ZNF722: variants seen among roughly 807,000 people sequenced by gnomAD.
The protein encoded by ZNF722 is zinc finger protein 479 pseudogene.
At chr7:63,999,646 G>A in the ZNF722 span, among the ~76,000 whole-genome samples, 1 of 152,146 alleles carries the variant, frequency 6.6e-6, no homozygotes, top group African/African-American at 2.4e-5. Context: ...CCAGTCTGTG[G>A]TTGACTAGGC....
the ZNF722 span, chr7:63,998,897 C>T: frequency 5.8e-5 from 87 of 1,493,160 alleles, no homozygotes; most frequent in Non-Finnish European, 7.7e-5. Flanking sequence ...CTTCAGGGCT[C>T]TGCATTCTCT....
chr7:64,016,168 T>C, the ZNF722 span: 1 of 339,838 alleles, frequency 2.9e-6, no homozygotes, highest in South Asian at 4.1e-5. Context: ...AGATGGTATC[T>C]CCCTTTGTCA....
At chr7:64,017,293 C>A in the ZNF722 span, among the ~76,000 whole-genome samples, 4 of 152,014 alleles carry the variant, frequency 2.6e-5, no homozygotes, top group Non-Finnish European at 5.9e-5. Context: ...CTGAGGCAGG[C>A]GAATTGCTTG....
At chr7:64,004,570 A>G in the ZNF722 span, among the ~76,000 whole-genome samples, 2 of 151,276 alleles carry the variant, frequency 1.3e-5, no homozygotes, top group South Asian at 4.1e-4. Flanking sequence ...TAAAGTTGAT[A>G]ACAATTTTAT....
At chr7:63,999,976 G>A in the ZNF722 span, among the ~76,000 whole-genome samples, 2 of 151,960 alleles carry the variant, frequency 1.3e-5, no homozygotes, top group African/African-American at 2.4e-5. Context: ...CATTACAGGC[G>A]TGAGCCACCT....
At chr7:64,006,490 C>G in the ZNF722 span, among the ~76,000 whole-genome samples, 1 of 152,148 alleles carries the variant, frequency 6.6e-6, no homozygotes, top group Non-Finnish European at 1.5e-5. Flanking sequence ...CTGCCCCATG[C>G]TGTTAAATTC....
chr7:64,017,661 C>T, the ZNF722 span, among the ~76,000 whole-genome samples: 6 of 152,328 alleles, frequency 3.9e-5, no homozygotes, highest in East Asian at 9.6e-4. Flanking sequence ...TCAAAAACTA[C>T]AGCTTAGAAG....
the ZNF722 span, chr7:64,005,655 A>G: frequency 2.2e-6 from 3 of 1,369,228 alleles, no homozygotes; most frequent in Middle Eastern, 1.8e-4. Flanking sequence ...TTCTCTCTGG[A>G]GGAGTGGCAA....
At chr7:64,016,622 A>G in the ZNF722 span, among the ~76,000 whole-genome samples, 1 of 152,164 alleles carries the variant, frequency 6.6e-6, no homozygotes, top group Admixed American at 6.6e-5. Context: ...GAATATGGCA[A>G]TGTCTTTAAA....
the ZNF722 span, chr7:64,015,982 A>G: frequency 1.9e-6 from 2 of 1,037,368 alleles, no homozygotes; most frequent in Non-Finnish European, 2.8e-6. Context: ...GGAAAAAAAC[A>G]CTACAAGTGT....
the ZNF722 span, among the ~76,000 whole-genome samples, chr7:64,009,823 G>A: frequency 6.6e-6 from 1 of 152,166 alleles, no homozygotes; most frequent in South Asian, 2.1e-4. Flanking sequence ...AATGGTATCA[G>A]CTCCTCTTTA....
chr7:64,002,076 A>T, the ZNF722 span, among the ~76,000 whole-genome samples: 1 of 151,670 alleles, frequency 6.6e-6, no homozygotes, highest in Non-Finnish European at 1.5e-5. Context: ...AGAGATGGGG[A>T]TTCACCACGT....
chr7:63,999,459 G>T, the ZNF722 span, among the ~76,000 whole-genome samples: 1 of 152,150 alleles, frequency 6.6e-6, no homozygotes, highest in Non-Finnish European at 1.5e-5. Flanking sequence ...AAGAGTCATA[G>T]AGCGCCCAGC....
chr7:64,001,897 T>TA, the ZNF722 span, among the ~76,000 whole-genome samples: 7 of 152,096 alleles, frequency 4.6e-5, no homozygotes, highest in Non-Finnish European at 4.4e-5. Context: ...TATATATATA[T>TA]TTTTAAGATG....
the ZNF722 span, among the ~76,000 whole-genome samples, chr7:64,007,230 G>GTATATATATATA: frequency 1.9e-3 from 257 of 138,480 alleles, 5 homozygotes; most frequent in African/African-American, 6.8e-3. Context: ...GTTTGTGTGT[G>GTATATATATATA]TATATATATA....
chr7:64,011,123 T>C, the ZNF722 span, among the ~76,000 whole-genome samples: 1 of 152,202 alleles, frequency 6.6e-6, no homozygotes, highest in Admixed American at 6.5e-5. Context: ...TCCATCCTTT[T>C]ATTTTGAACC....
the ZNF722 span, among the ~76,000 whole-genome samples, chr7:64,001,149 TATC>T: frequency 6.6e-6 from 1 of 152,178 alleles, no homozygotes; most frequent in Admixed American, 6.5e-5. Context: ...GGTAAAATCA[TATC>T]ATGAAGTTTT....
At chr7:64,004,754 A>G in the ZNF722 span, among the ~76,000 whole-genome samples, 1 of 152,104 alleles carries the variant, frequency 6.6e-6, no homozygotes, top group Non-Finnish European at 1.5e-5. Context: ...TCTTTTAAAA[A>G]TGAAGGCTCT....
the ZNF722 span, among the ~76,000 whole-genome samples, chr7:64,000,359 C>T: frequency 6.8e-6 from 1 of 147,412 alleles, no homozygotes; most frequent in African/African-American, 2.5e-5. Context: ...GAACTCCCGA[C>T]CTCAGGTGAT....
Sources: gnomAD v4.1 joint callset for allele counts (sites outside exome capture counted in the v4.1 genomes callset) on GRCh38, gnomAD v4.1.1 for gene constraint, MANE v1.5 for transcripts, NCBI Gene and HGNC (gene_info 2026-07-23, HGNC 2026-07-21) for gene names.